Variants in SLC12A1 observed in about 807,000 individuals in gnomAD.
SLC12A1 encodes Na-K-2Cl cotransporter.
Under a neutral mutation model 130.4 loss-of-function variants are expected in SLC12A1, and 89 were observed. The observed-to-expected ratio is 0.68, with a 90% CI of 0.58 to 0.81. SLC12A1 has a LOEUF of 0.81. Among genes scored for constraint, SLC12A1 ranks in the 40% least tolerant of loss-of-function variants. The pLI is 0.00. For missense variants in SLC12A1, 1,310 were observed against 1,336.4 expected (o/e 0.98, Z 0.31); for synonymous variants, 499 against 460.0 (o/e 1.08, Z -1.09).
intron 2 of SLC12A1, among the ~76,000 whole-genome samples, chr15:48,208,824 G>A (rs2041014947): frequency 1.3e-5 from 2 of 152,190 alleles, no homozygotes; most frequent in Admixed American, 6.5e-5. Context: ...AGTTAATACT[G>A]TGGGTGACAG....
intron 2 of SLC12A1, among the ~76,000 whole-genome samples, chr15:48,220,167 ATAGATAG>A (rs2041190839): frequency 3.3e-5 from 5 of 151,398 alleles, no homozygotes; most frequent in African/African-American, 1.2e-4. Flanking sequence ...AGATAGATAG[ATAGATAG>A]ATAGATAGAT....
At chr15:48,297,816 C>T (rs1194401449) in intron 24 of SLC12A1, among the ~76,000 whole-genome samples, 2 of 152,146 alleles carry the variant, frequency 1.3e-5, no homozygotes, top group Non-Finnish European at 2.9e-5. Flanking sequence ...GAGGACAATG[C>T]AAGAGCTGGA....
intron 9 of SLC12A1, among the ~76,000 whole-genome samples, chr15:48,238,980 AGCAG>A (rs1284646819): frequency 6.6e-6 from 1 of 152,240 alleles, no homozygotes; most frequent in Non-Finnish European, 1.5e-5. Context: ...ATACCCAGAA[AGCAG>A]GCATCTAATA....
chr15:48,275,924 A>G (rs1320976890), intron 20 of SLC12A1, among the ~76,000 whole-genome samples: 1 of 152,202 alleles, frequency 6.6e-6, no homozygotes, highest in Non-Finnish European at 1.5e-5. Context: ...TTTCGGTTAT[A>G]TGGGGCATGG....
At chr15:48,250,650 A>C (rs981745444) in intron 14 of SLC12A1, among the ~76,000 whole-genome samples, 2 of 134,656 alleles carry the variant, frequency 1.5e-5, no homozygotes, top group Non-Finnish European at 3.2e-5. Flanking sequence ...AGACACATGG[A>C]TACACAAACC....
At chr15:48,220,133 AGAT>A (rs2041186837) in intron 2 of SLC12A1, among the ~76,000 whole-genome samples, 1 of 109,712 alleles carries the variant, frequency 9.1e-6, no homozygotes, top group East Asian at 4.7e-4. Context: ...AAAAAAAGGT[AGAT>A]AGATAGATAG....
At chr15:48,275,277 T>C (rs1372058060) in intron 20 of SLC12A1, among the ~76,000 whole-genome samples, 2 of 152,176 alleles carry the variant, frequency 1.3e-5, no homozygotes, top group Non-Finnish European at 2.9e-5. Context: ...GATTTCCCTC[T>C]TCCGCTGAGC....
intron 19 of SLC12A1, among the ~76,000 whole-genome samples, chr15:48,272,837 G>T (rs183894512): frequency 3.7e-4 from 57 of 152,284 alleles, no homozygotes; most frequent in African/African-American, 1.3e-3. Flanking sequence ...GCTGGGCGCA[G>T]TGGCTCATGC....
intron 16 of SLC12A1, 111 bp downstream of exon 16, chr15:48,256,021 A>G (rs2041703732): frequency 4.2e-6 from 3 of 712,046 alleles, no homozygotes; most frequent in Non-Finnish European, 7.4e-6. Context: ...ACATTCTAAA[A>G]ATAAGCAGTC....
rs562322690 is a variant in SLC12A1, at chr15:48,246,220, G to C, written c.1453-689G>C. Among the ~76,000 whole-genome samples the C allele has an allele frequency of 1.1e-4, 17 of 152,258 alleles. No homozygotes were observed. The East Asian group carries it at 3.3e-3, about 29-fold the overall frequency. On this transcript the variant is annotated intron_variant, in intron 11 of 26. Transcript: ENST00000380993. ...AGGTCTGAAAAGCCTCTGTGTGCAGGAAGAAGAAAGGTTAATGGCTGTAAA... is the reference window on the plus strand; with the variant it reads ...AGGTCTGAAAAGCCTCTGTGTGCAGCAAGAAGAAAGGTTAATGGCTGTAAA...
chr15:48,267,917 G>T (rs545203467), intron 18 of SLC12A1, among the ~76,000 whole-genome samples: 1 of 152,104 alleles, frequency 6.6e-6, no homozygotes, highest in African/African-American at 2.4e-5. Context: ...CACTGGAAAC[G>T]GAAAATGAGG....
chr15:48,239,515 AAAATAAATAAATAAAT>A (rs10530478), intron 9 of SLC12A1, among the ~76,000 whole-genome samples: 7 of 143,636 alleles, frequency 4.9e-5, no homozygotes, highest in African/African-American at 1.6e-4. Context: ...AACCCATCTC[AAAATAAATAAATAAAT>A]AAATAAATAA....
chr15:48,220,131 GTAGATAGATAGATAGATAGATAGATAGA>G (rs71120609), intron 2 of SLC12A1, among the ~76,000 whole-genome samples: 3 of 105,738 alleles, frequency 2.8e-5, no homozygotes, highest in African/African-American at 9.8e-5. Context: ...AAAAAAAAAG[GTAGATAGATAGATAGATAGATAGATAGA>G]TAGATAGATA....
intron 17 of SLC12A1, among the ~76,000 whole-genome samples, chr15:48,264,505 T>C (rs1296188886): frequency 1.3e-5 from 2 of 152,098 alleles, no homozygotes; most frequent in Non-Finnish European, 2.9e-5. Context: ...AAGGAAAAAA[T>C]GTATTCTTTC....
intron 24 of SLC12A1, among the ~76,000 whole-genome samples, chr15:48,293,926 T>G (rs1038394332): frequency 6.6e-6 from 1 of 151,356 alleles, no homozygotes; most frequent in African/African-American, 2.4e-5. Flanking sequence ...TAGTCCTAGA[T>G]ACTCAGGAGG....
intron 15 of SLC12A1, 71 bp downstream of exon 15, chr15:48,251,841 G>A: frequency 7.2e-7 from 1 of 1,392,840 alleles, no homozygotes; most frequent in Non-Finnish European, 1.0e-6. Context: ...AGCATTTATT[G>A]AGCAGCTTCT....
Position 48,240,058 on chromosome 15 carries a change from TATATATATATATCC to T in SLC12A1, c.1216-1444_1216-1431del, listed in dbSNP as rs1567317002. Among the ~76,000 whole-genome samples, 488 of 106,828 alleles carry T rather than the reference TATATATATATATCC, an allele frequency of 4.6e-3. 38 individuals carry two copies. Among genetic ancestry groups the T allele is most frequent in the African/African-American group, 0.021 (447 of 21,326 alleles). The allele number at this position is 106,828 out of a possible 152,430, so 70.1% of individuals were successfully genotyped here. A position where few individuals can be genotyped will look rare whatever the true frequency, so the allele number is the denominator to read the frequency against. ...ATATATATATATATATCCATATATA[TATATATATATATCC>T]ATATATATATATATATATCCATATA... On this transcript the variant is annotated intron_variant, in intron 9 of 26. Transcript: ENST00000380993.
chr15:48,220,855 A>G, intron 3 of SLC12A1, 66 bp from the exon 4 acceptor site: 1 of 1,609,470 alleles, frequency 6.2e-7, no homozygotes, highest in Non-Finnish European at 8.5e-7. Flanking sequence ...CAGCTTTATG[A>G]AGAGCCCCGG....
rs571000997 is a variant in SLC12A1, at chr15:48,299,104, C to T, written c.2961-36C>T. On this transcript the variant is annotated intron_variant, in intron 24 of 26. Transcript: ENST00000380993. ...TATCTGTGAAATAATGAGTTAGTTTCCCACTGTGAGGCCTCCTTTATAATT... is the reference window on the plus strand; with the variant it reads ...TATCTGTGAAATAATGAGTTAGTTTTCCACTGTGAGGCCTCCTTTATAATT... 1.3e-5 allele frequency: 21 copies of T among 1,573,934 alleles called. No individual in the cohort carries two copies. In the East Asian group the frequency reaches 4.4e-4, roughly 33 times the overall value.
Sources: gnomAD v4.1 joint callset for allele counts (sites outside exome capture counted in the v4.1 genomes callset) on GRCh38, gnomAD v4.1.1 for gene constraint, MANE v1.5 for transcripts, NCBI Gene and HGNC (gene_info 2026-07-23, HGNC 2026-07-21) for gene names.